The following DNER variants were observed in gnomAD, a reference collection of about 807,000 sequenced individuals.
DNER encodes delta/notch like EGF repeat containing.
DNER carries 33 observed loss-of-function variants against 78.2 expected under a neutral mutation model. The ratio of observed to expected loss-of-function variants is 0.42; its 90% CI spans 0.32 to 0.56. The LOEUF (loss-of-function observed/expected upper bound fraction) is 0.56. Ranked by LOEUF, DNER falls within the 20% of genes least tolerant of loss-of-function variation. DNER has a pLI of 0.11. For synonymous variants in DNER, 417 were observed against 384.8 expected (o/e 1.08, Z -0.98); for missense variants, 918 against 975.3 (o/e 0.94, Z 0.78).
At chr2:229,381,373 C>T (rs1165780983) in intron 11 of DNER, among the ~76,000 whole-genome samples, 1 of 152,132 alleles carries the variant, frequency 6.6e-6, no homozygotes, top group African/African-American at 2.4e-5. Context: ...GAGCTAGCTG[C>T]AGGAGTACTT....
chr2:229,546,055 A>G (rs1458507330), intron 5 of DNER, among the ~76,000 whole-genome samples: 9 of 152,220 alleles, frequency 5.9e-5, no homozygotes, highest in Admixed American at 1.3e-4. Flanking sequence ...CTTTATACCA[A>G]AGCAAGAGGA....
At position 229,507,100 on chromosome 2, in the gene DNER, G is replaced by T. The variant is rs77746996; in HGVS notation, c.1147+5683C>A. 7.6e-3 allele frequency among the ~76,000 whole-genome samples: 1,154 copies of T among 152,280 alleles called. 54 individuals are homozygous for T. The East Asian group carries it at 0.12, about 15-fold the overall frequency. The stretch of plus-strand genomic sequence containing the variant: ...GCAACACAATGATAAGTATATTTGT[G>T]TCTAAACATAACTAAACATAGAAAA... On this transcript the variant is annotated intron_variant, in intron 6 of 12. Transcript: ENST00000341772.
intron 5 of DNER, among the ~76,000 whole-genome samples, chr2:229,544,440 G>A (rs1385433812): frequency 6.6e-6 from 1 of 152,066 alleles, no homozygotes; most frequent in Non-Finnish European, 1.5e-5. Context: ...ATGCTTTCGG[G>A]TTCCTGACCA....
chr2:229,491,027 G>A (rs181106914), intron 6 of DNER, among the ~76,000 whole-genome samples: 77 of 152,272 alleles, frequency 5.1e-4, no homozygotes, highest in African/African-American at 1.7e-3. Context: ...AAAGTCCAAT[G>A]GCTCAGCCCA....
At chr2:229,410,660 G>A (rs1047460153) in intron 9 of DNER, among the ~76,000 whole-genome samples, 4 of 152,164 alleles carry the variant, frequency 2.6e-5, no homozygotes, top group African/African-American at 7.2e-5. Flanking sequence ...CATACTTTTC[G>A]TATTAAGGGA....
chr2:229,443,306 C>G (rs1288193600), intron 8 of DNER, among the ~76,000 whole-genome samples: 1 of 152,178 alleles, frequency 6.6e-6, no homozygotes, highest in Non-Finnish European at 1.5e-5. Context: ...TCTGCAGAGG[C>G]CACCATTGTA....
At chr2:229,455,228 T>C (rs1694545394) in intron 7 of DNER, among the ~76,000 whole-genome samples, 1 of 152,112 alleles carries the variant, frequency 6.6e-6, no homozygotes, top group South Asian at 2.1e-4. Context: ...ACAGGTTTTA[T>C]AATTCAAAGA....
intron 4 of DNER, among the ~76,000 whole-genome samples, chr2:229,580,852 A>T (rs1020474572): frequency 5.9e-5 from 9 of 152,094 alleles, no homozygotes; most frequent in African/African-American, 2.2e-4. Context: ...GTTAAAGGAG[A>T]TCTGAGAATG....
At chr2:229,490,566 G>A (rs1574866762) in intron 6 of DNER, among the ~76,000 whole-genome samples, 1 of 152,076 alleles carries the variant, frequency 6.6e-6, no homozygotes, top group Non-Finnish European at 1.5e-5. Flanking sequence ...TGGTTGCCTA[G>A]AGCTGGGGGG....
intron 6 of DNER, among the ~76,000 whole-genome samples, chr2:229,500,197 T>C (rs1413885027): frequency 6.6e-6 from 1 of 152,212 alleles, no homozygotes; most frequent in Non-Finnish European, 1.5e-5. Context: ...CCTCTCACAG[T>C]GCCAGGATTA....
chr2:229,652,383 C>A (rs1443719921), intron 1 of DNER, among the ~76,000 whole-genome samples: 1 of 152,170 alleles, frequency 6.6e-6, no homozygotes, highest in Non-Finnish European at 1.5e-5. Context: ...CCAACTAACA[C>A]TTAAGTTGTC....
chr2:229,541,854 G>A (rs1158698226), intron 5 of DNER, among the ~76,000 whole-genome samples: 2 of 142,622 alleles, frequency 1.4e-5, no homozygotes, highest in Non-Finnish European at 3.0e-5. Flanking sequence ...ATATATATGT[G>A]ATTATATATA....
intron 1 of DNER, among the ~76,000 whole-genome samples, chr2:229,616,858 G>C (rs1474651781): frequency 6.6e-6 from 1 of 152,226 alleles, no homozygotes; most frequent in Non-Finnish European, 1.5e-5. Context: ...TGGACACGTG[G>C]CTTGTCCTGG....
At chr2:229,495,978 T>C (rs966591199) in intron 6 of DNER, among the ~76,000 whole-genome samples, 2 of 152,262 alleles carry the variant, frequency 1.3e-5, no homozygotes, top group South Asian at 4.1e-4. Flanking sequence ...ACCATGAGGG[T>C]ATGACAGCTC....
intron 11 of DNER, among the ~76,000 whole-genome samples, chr2:229,384,943 A>C (rs373822174): frequency 2.0e-4 from 30 of 152,152 alleles, no homozygotes; most frequent in African/African-American, 6.3e-4. Flanking sequence ...CAAAACCTGG[A>C]AGAGACGCAA....
chr2:229,556,383 G>T (rs1259808904), intron 4 of DNER, among the ~76,000 whole-genome samples: 1 of 152,326 alleles, frequency 6.6e-6, no homozygotes, highest in African/African-American at 2.4e-5. Flanking sequence ...TCCAAAATAA[G>T]TGATTCAGAA....
At chr2:229,385,390 C>T (rs980692517) in intron 11 of DNER, among the ~76,000 whole-genome samples, 7 of 152,158 alleles carry the variant, frequency 4.6e-5, no homozygotes, top group Non-Finnish European at 5.9e-5. Context: ...AAGCTAGAAG[C>T]ATTCCTTTTG....
intron 1 of DNER, among the ~76,000 whole-genome samples, chr2:229,596,351 G>A: frequency 6.6e-6 from 1 of 152,232 alleles, no homozygotes; most frequent in East Asian, 1.9e-4. Context: ...GTGTTTTAAA[G>A]TGATTAAATA....
chr2:229,565,549 T>G lies in DNER; in HGVS notation c.848-18457A>C, dbSNP rs536460369. Among the ~76,000 whole-genome samples the G allele has an allele frequency of 3.3e-5, 5 of 152,238 alleles. No individual in the cohort carries two copies. In the South Asian group the frequency reaches 1.0e-3, roughly 32 times the overall value. On this transcript the variant is annotated intron_variant, in intron 4 of 12. Transcript: ENST00000341772. ...TTTTTTAAAAAGTATAACCAGAAAC[T>G]AATACAAGACAGATTGGTTGGCATA...
Sources: gnomAD v4.1 joint callset for allele counts (sites outside exome capture counted in the v4.1 genomes callset) on GRCh38, gnomAD v4.1.1 for gene constraint, MANE v1.5 for transcripts, NCBI Gene and HGNC (gene_info 2026-07-23, HGNC 2026-07-21) for gene names.